The following SPMIP2 variants were observed in gnomAD, a reference collection of about 807,000 sequenced individuals.
The protein encoded by SPMIP2 is sperm microtubule inner protein 2.
At chr4:158,958,117 G>T in the SPMIP2 span, among the ~76,000 whole-genome samples, 1 of 151,896 alleles carries the variant, frequency 6.6e-6, no homozygotes, top group Admixed American at 6.6e-5. Context: ...CCTCACCTCA[G>T]CCCCCTCAGT....
At chr4:159,071,202 C>A in the SPMIP2 span, among the ~76,000 whole-genome samples, 3 of 152,092 alleles carry the variant, frequency 2.0e-5, no homozygotes, top group African/African-American at 7.2e-5. Context: ...AGGGGAAAAT[C>A]TTTTGAGGCT....
At chr4:159,065,358 C>T in the SPMIP2 span, among the ~76,000 whole-genome samples, 2 of 152,228 alleles carry the variant, frequency 1.3e-5, no homozygotes. Flanking sequence ...ACCTTTTCAT[C>T]AGCCTTTCAT....
At chr4:158,917,126 T>G in the SPMIP2 span, among the ~76,000 whole-genome samples, 1 of 152,212 alleles carries the variant, frequency 6.6e-6, no homozygotes. Context: ...GGCACACGCC[T>G]GTAGTCCCAG....
chr4:158,898,843 T>C, the SPMIP2 span, among the ~76,000 whole-genome samples: 1 of 152,240 alleles, frequency 6.6e-6, no homozygotes, highest in Non-Finnish European at 1.5e-5. Flanking sequence ...TCTTGCATGA[T>C]TGTCCTGGCC....
chr4:158,942,401 T>C, the SPMIP2 span, among the ~76,000 whole-genome samples: 10 of 152,188 alleles, frequency 6.6e-5, no homozygotes, highest in African/African-American at 2.2e-4. Flanking sequence ...CTCCCTGATG[T>C]TAACAGGCTT....
the SPMIP2 span, among the ~76,000 whole-genome samples, chr4:158,901,054 C>T: frequency 6.6e-6 from 1 of 150,766 alleles, no homozygotes; most frequent in Non-Finnish European, 1.5e-5. Context: ...TCAGCATTTG[C>T]TTGTCTGTAA....
the SPMIP2 span, among the ~76,000 whole-genome samples, chr4:158,986,388 T>G: frequency 6.6e-6 from 1 of 152,124 alleles, no homozygotes; most frequent in South Asian, 2.1e-4. Context: ...CAAACTATAC[T>G]ACAAGGCTAC....
the SPMIP2 span, among the ~76,000 whole-genome samples, chr4:159,066,801 T>G: frequency 6.6e-6 from 1 of 152,062 alleles, no homozygotes; most frequent in East Asian, 1.9e-4. Flanking sequence ...TGGCAAATAT[T>G]TTCTGTAAAG....
chr4:158,977,625 T>TTTTTC, the SPMIP2 span, among the ~76,000 whole-genome samples: 2 of 104,338 alleles, frequency 1.9e-5, no homozygotes, highest in African/African-American at 3.6e-5. Context: ...TTTTTTTTTT[T>TTTTTC]TCTCTTTGAG....
the SPMIP2 span, among the ~76,000 whole-genome samples, chr4:159,050,433 G>C: frequency 6.6e-6 from 1 of 151,906 alleles, no homozygotes; most frequent in Non-Finnish European, 1.5e-5. Context: ...TAGGAGTAAG[G>C]ATCACCATAT....
the SPMIP2 span, among the ~76,000 whole-genome samples, chr4:158,951,249 T>C: frequency 6.6e-6 from 1 of 152,198 alleles, no homozygotes; most frequent in African/African-American, 2.4e-5. Context: ...AACGTGCCAG[T>C]AGGCAATTTC....
At chr4:158,953,982 G>T in the SPMIP2 span, among the ~76,000 whole-genome samples, 5 of 152,204 alleles carry the variant, frequency 3.3e-5, no homozygotes, top group African/African-American at 4.8e-5. Context: ...TAGGCAGAAG[G>T]GACTTGCCTT....
the SPMIP2 span, among the ~76,000 whole-genome samples, chr4:158,894,813 A>G: frequency 4.6e-5 from 7 of 152,188 alleles, no homozygotes; most frequent in East Asian, 3.8e-4. Context: ...GACACAATGT[A>G]TTTAAGATTT....
chr4:158,979,193 C>T, the SPMIP2 span, among the ~76,000 whole-genome samples: 3 of 152,168 alleles, frequency 2.0e-5, no homozygotes, highest in Non-Finnish European at 4.4e-5. Context: ...ATGGCAGACA[C>T]CCCTACCCCG....
At chr4:158,908,868 A>G in the SPMIP2 span, among the ~76,000 whole-genome samples, 22 of 152,100 alleles carry the variant, frequency 1.4e-4, no homozygotes, top group Non-Finnish European at 4.4e-5. Flanking sequence ...TTGTATTTTT[A>G]GTAGAAACGA....
At chr4:158,973,399 A>G in the SPMIP2 span, 3 of 764,958 alleles carry the variant, frequency 3.9e-6, no homozygotes, top group South Asian at 3.8e-5. Flanking sequence ...CTAATAGCCA[A>G]TAATTATATG....
chr4:158,893,733 T>C, the SPMIP2 span: 1 of 1,550,372 alleles, frequency 6.5e-7, no homozygotes, highest in South Asian at 1.2e-5. Context: ...AGAGAAGTAA[T>C]GTATATTAGA....
At chr4:159,061,427 T>C in the SPMIP2 span, among the ~76,000 whole-genome samples, 1 of 151,796 alleles carries the variant, frequency 6.6e-6, no homozygotes, top group Non-Finnish European at 1.5e-5. Flanking sequence ...GGGACACTGG[T>C]TCATGGTGGG....
At chr4:158,953,478 T>G in the SPMIP2 span, among the ~76,000 whole-genome samples, 1 of 151,950 alleles carries the variant, frequency 6.6e-6, no homozygotes, top group African/African-American at 2.4e-5. Flanking sequence ...TCTGCAGGGG[T>G]GGGGTGCTCA....
Sources: allele counts gnomAD v4.1 joint callset (sites outside exome capture counted in the v4.1 genomes callset), GRCh38; gene constraint gnomAD v4.1.1; transcripts MANE v1.5; gene names NCBI Gene and HGNC (gene_info 2026-07-23, HGNC 2026-07-21).